SMAP1: variants seen among roughly 807,000 people sequenced by gnomAD.
The protein encoded by SMAP1 is small ArfGAP 1.
In SMAP1, 24 loss-of-function variants were observed where a neutral mutation model predicts 58.5. The ratio of observed to expected loss-of-function variants is 0.41; its 90% CI spans 0.30 to 0.58. SMAP1 has a LOEUF of 0.58. SMAP1 is among the 20% of genes least tolerant of loss of function. The probability of loss-of-function intolerance (pLI) is 0.29; values close to 1 mark genes in which losing one functional copy is unlikely to be tolerated. For synonymous variants in SMAP1, 216 were observed against 196.6 expected, an observed-to-expected ratio of 1.10 and a Z score of -0.82; for missense variants, 563 against 566.3, an observed-to-expected ratio of 0.99 and a Z score of 0.06.
At chr6:70,698,961 G>A (rs1767519161) in intron 1 of SMAP1, among the ~76,000 whole-genome samples, 1 of 152,176 alleles carries the variant, frequency 6.6e-6, no homozygotes, top group Non-Finnish European at 1.5e-5. Context: ...GATGTTTGTT[G>A]ATGTCTGGGC....
intron 3 of SMAP1, among the ~76,000 whole-genome samples, chr6:70,766,244 C>T (rs907363029): frequency 2.0e-5 from 3 of 152,146 alleles, no homozygotes; most frequent in African/African-American, 7.2e-5. Context: ...GATTTATAAT[C>T]CTTTGGGTAC....
intron 7 of SMAP1, among the ~76,000 whole-genome samples, chr6:70,838,844 T>G (rs763523531): frequency 6.6e-6 from 1 of 152,220 alleles, no homozygotes; most frequent in Non-Finnish European, 1.5e-5. Context: ...ATCTGACTTT[T>G]GTATTTGAAG....
At chr6:70,676,096 A>G (rs921997979) in intron 1 of SMAP1, among the ~76,000 whole-genome samples, 2 of 152,190 alleles carry the variant, frequency 1.3e-5, no homozygotes, top group Admixed American at 6.5e-5. Flanking sequence ...TTGCAACTCA[A>G]CTGGAAGGGA....
intron 2 of SMAP1, among the ~76,000 whole-genome samples, chr6:70,738,923 T>C (rs185067271): frequency 3.9e-5 from 6 of 152,180 alleles, no homozygotes; most frequent in Non-Finnish European, 8.8e-5. Flanking sequence ...CACTCTGACA[T>C]AGTTATTTCA....
At chr6:70,759,149 A>C (rs1414533722) in intron 3 of SMAP1, among the ~76,000 whole-genome samples, 2 of 152,130 alleles carry the variant, frequency 1.3e-5, no homozygotes, top group Non-Finnish European at 2.9e-5. Context: ...CTGGAAAAGG[A>C]AAGCCTGTGG....
chr6:70,733,131 T>C (rs1306492034), intron 2 of SMAP1, among the ~76,000 whole-genome samples: 1 of 152,230 alleles, frequency 6.6e-6, no homozygotes, highest in African/African-American at 2.4e-5. Flanking sequence ...ACTGGTCTTA[T>C]TATGTAATTC....
chr6:70,783,492 A>T (rs887022824), intron 4 of SMAP1, among the ~76,000 whole-genome samples: 2 of 152,150 alleles, frequency 1.3e-5, no homozygotes, highest in Non-Finnish European at 2.9e-5. Flanking sequence ...CTTCAGACGA[A>T]CAAACTACTC....
At chr6:70,776,583 C>T (rs1767556746) in intron 4 of SMAP1, among the ~76,000 whole-genome samples, 1 of 152,176 alleles carries the variant, frequency 6.6e-6, no homozygotes, top group Admixed American at 6.5e-5. Flanking sequence ...TACTACAGAA[C>T]ACTAAATCGT....
intron 6 of SMAP1, among the ~76,000 whole-genome samples, chr6:70,810,843 C>G (rs573038451): frequency 6.6e-6 from 1 of 152,126 alleles, no homozygotes; most frequent in Non-Finnish European, 1.5e-5. Flanking sequence ...CCTGGCTCCC[C>G]TTTTTTTATT....
chr6:70,769,532 G>T (rs1007577322), intron 3 of SMAP1, among the ~76,000 whole-genome samples: 208 of 152,186 alleles, frequency 1.4e-3, no homozygotes, highest in African/African-American at 4.6e-3. Flanking sequence ...CTTTTGATCT[G>T]TGTTGGTTTG....
intron 6 of SMAP1, among the ~76,000 whole-genome samples, chr6:70,824,489 A>T (rs1049702115): frequency 2.0e-5 from 3 of 152,116 alleles, no homozygotes; most frequent in Non-Finnish European, 2.9e-5. Context: ...CTCTGTACTT[A>T]TGAAGGTATG....
chr6:70,785,957 C>T (rs979210452), intron 4 of SMAP1, among the ~76,000 whole-genome samples: 10 of 150,270 alleles, frequency 6.7e-5, no homozygotes, highest in African/African-American at 1.5e-4. Flanking sequence ...TTTTATGAGG[C>T]CAGCATCATC....
chr6:70,814,303 A>G (rs765078007), intron 6 of SMAP1, among the ~76,000 whole-genome samples: 4 of 152,210 alleles, frequency 2.6e-5, no homozygotes, highest in Non-Finnish European at 4.4e-5. Flanking sequence ...TATTGCATCA[A>G]AAGTATCAAC....
chr6:70,775,586 G>T (rs192703945), intron 4 of SMAP1, among the ~76,000 whole-genome samples: 4 of 152,284 alleles, frequency 2.6e-5, no homozygotes, highest in African/African-American at 9.6e-5. Flanking sequence ...GTTTGTGTCT[G>T]TAGAGAGAGA....
intron 3 of SMAP1, among the ~76,000 whole-genome samples, chr6:70,770,980 A>G (rs942929258): frequency 4.6e-5 from 7 of 152,188 alleles, no homozygotes; most frequent in South Asian, 4.1e-4. Flanking sequence ...CAGGACCCTC[A>G]GCTTCAGGTC....
chr6:70,687,088 TTTC>T (rs1265666837), intron 1 of SMAP1, among the ~76,000 whole-genome samples: 1 of 152,220 alleles, frequency 6.6e-6, no homozygotes, highest in African/African-American at 2.4e-5. Flanking sequence ...AAACATTCAC[TTTC>T]TTAATTCCAG....
At chr6:70,818,097 A>C (rs771477192) in intron 6 of SMAP1, among the ~76,000 whole-genome samples, 5 of 152,102 alleles carry the variant, frequency 3.3e-5, no homozygotes, top group Non-Finnish European at 7.4e-5. Context: ...ATATTCAAGT[A>C]ATTTTAGAGT....
intron 1 of SMAP1, among the ~76,000 whole-genome samples, chr6:70,710,725 A>G (rs78056575): frequency 1.2e-3 from 184 of 152,214 alleles, no homozygotes; most frequent in African/African-American, 4.0e-3. Context: ...GTAACTTTTT[A>G]TTATCTAAAA....
rs144070737 is a variant in SMAP1 at position 70,747,667 on chromosome 6, A to G, written c.253-7313A>G. Among the ~76,000 whole-genome samples the G allele has an allele frequency of 3.2e-3, 495 of 152,336 alleles. 11 individuals are homozygous for G. The highest frequency in any genetic ancestry group is 0.029 in the Admixed American group (448 of 15,298). ...AGGATGATTCCTGAGCTGGGCCTTA[A>G]GCACCTAGAGTGAAAGTGATGGTTT... is the stretch of plus-strand genomic sequence containing the variant. On this transcript the variant is annotated intron_variant, in intron 2 of 10. Coordinates refer to ENST00000370455, the MANE Select transcript of SMAP1 (RefSeq NM_001044305.3).
Sources: gnomAD v4.1 joint callset for allele counts (sites outside exome capture counted in the v4.1 genomes callset) on GRCh38, gnomAD v4.1.1 for gene constraint, MANE v1.5 for transcripts, NCBI Gene and HGNC (gene_info 2026-07-23, HGNC 2026-07-21) for gene names.